SDK1: variants seen among roughly 807,000 people sequenced by gnomAD.
The protein encoded by SDK1 is protein sidekick-1.
A neutral mutation model predicts 245.5 loss-of-function variants in SDK1; 157 were observed. That is an observed-to-expected ratio of 0.64 (90% CI 0.56 to 0.73). The LOEUF is 0.73. SDK1 is among the 30% of genes least tolerant of loss of function. The pLI is 0.00. For synonymous variants in SDK1, 1,647 were observed against 1,278.5 expected, an observed-to-expected ratio of 1.29 and a Z score of -6.15; for missense variants, 3,583 against 3,002.3, an observed-to-expected ratio of 1.19 and a Z score of -4.52.
intron 5 of SDK1, among the ~76,000 whole-genome samples, chr7:3,853,789 G>C (rs998258713): frequency 8.5e-5 from 13 of 152,062 alleles, no homozygotes; most frequent in African/African-American, 3.1e-4. Context: ...AAGACATTGA[G>C]ACCATCCTGG....
intron 4 of SDK1, among the ~76,000 whole-genome samples, chr7:3,766,737 A>T (rs940234621): frequency 3.3e-5 from 5 of 152,230 alleles, no homozygotes; most frequent in Non-Finnish European, 1.5e-5. Flanking sequence ...AGAAATAGGA[A>T]CAAATGATGA....
chr7:3,591,009 T>TA (rs1173962721), intron 1 of SDK1, among the ~76,000 whole-genome samples: 1 of 152,092 alleles, frequency 6.6e-6, no homozygotes, highest in African/African-American at 2.4e-5. Flanking sequence ...TAGAGCATTT[T>TA]AAAAAACTCC....
intron 1 of SDK1, among the ~76,000 whole-genome samples, chr7:3,351,720 C>G (rs58608495): frequency 0.2 from 30,755 of 151,908 alleles, 3,384 homozygotes; most frequent in African/African-American, 0.31. Context: ...AGGTTCAGTT[C>G]AGATATAGGT....
intron 1 of SDK1, among the ~76,000 whole-genome samples, chr7:3,580,634 A>G (rs1780448630): frequency 6.6e-6 from 1 of 152,136 alleles, no homozygotes; most frequent in East Asian, 1.9e-4. Flanking sequence ...TCAACTCAAG[A>G]TGGATTAAAG....
intron 42 of SDK1, among the ~76,000 whole-genome samples, chr7:4,240,434 C>G (rs1786446901): frequency 6.6e-6 from 1 of 152,170 alleles, no homozygotes; most frequent in South Asian, 2.1e-4. Context: ...CGTCTGAATT[C>G]CTTTCTGATC....
chr7:3,443,872 T>A (rs10254665), intron 1 of SDK1, among the ~76,000 whole-genome samples: 1 of 152,074 alleles, frequency 6.6e-6, no homozygotes, highest in Non-Finnish European at 1.5e-5. Context: ...TTATTTCAAG[T>A]TCAGCTAAAC....
chr7:4,172,647 T>C (rs1264011967), intron 32 of SDK1, among the ~76,000 whole-genome samples: 1 of 152,146 alleles, frequency 6.6e-6, no homozygotes, highest in Admixed American at 6.6e-5. Flanking sequence ...GGCAGAGCCT[T>C]ATTCTCTCAC....
Position 3,877,687 on chromosome 7 carries a change from A to G in SDK1, c.847+56104A>G, listed in dbSNP as rs1781107898. 2.6e-5 allele frequency among the ~76,000 whole-genome samples: 4 copies of G among 152,252 alleles called. No individual in the cohort carries two copies. The South Asian group carries it at 8.3e-4, about 31-fold the overall frequency. On this transcript the variant is annotated intron_variant, in intron 5 of 44. Coordinates refer to ENST00000404826, the MANE Select transcript of SDK1 (RefSeq NM_152744.4). Reference sequence around the variant, plus strand: ...GTTAACCACTGTTAACTTTTAAAGCATATCTTTTCAAACTTTTTTTTCTAT... The same window carrying G: ...GTTAACCACTGTTAACTTTTAAAGCGTATCTTTTCAAACTTTTTTTTCTAT...
At chr7:3,968,595 G>A (rs1211707702) in intron 10 of SDK1, among the ~76,000 whole-genome samples, 2 of 152,078 alleles carry the variant, frequency 1.3e-5, no homozygotes, top group Non-Finnish European at 2.9e-5. Context: ...ATATAAAAAT[G>A]TTTCAAATAC....
chr7:3,955,301 G>T (rs774303613), intron 7 of SDK1, among the ~76,000 whole-genome samples: 1 of 152,190 alleles, frequency 6.6e-6, no homozygotes, highest in Non-Finnish European at 1.5e-5. Context: ...CTCATCTCCA[G>T]AGCCAGCAGC....
chr7:3,682,378 T>A (rs1784127227), intron 4 of SDK1, among the ~76,000 whole-genome samples: 1 of 152,216 alleles, frequency 6.6e-6, no homozygotes, highest in African/African-American at 2.4e-5. Context: ...GATTTGTAAA[T>A]TAACATTTCC....
In SDK1 at chr7:4,241,915, TAGGC is replaced by T. The variant is rs1186512382; in HGVS notation, c.6251+9_6251+12del. On this transcript the variant is annotated splice_donor_5th_base_variant and intron_variant, in intron 43 of 44. Coordinates refer to ENST00000404826, the MANE Select transcript of SDK1 (RefSeq NM_152744.4). ...CTTCTCCAAGAAGAACGGGACCAGG[TAGGC>T]AGGCAGTGCTGTGCTGCGCCCACCT... 6.2e-7 allele frequency: 1 copy of T among 1,612,746 alleles called. No homozygotes were observed. Among genetic ancestry groups the T allele is most frequent in the South Asian group, 1.1e-5 (1 of 91,090 alleles).
intron 39 of SDK1, 118 bp downstream of exon 39, chr7:4,220,388 G>A: frequency 8.9e-7 from 1 of 1,128,696 alleles, no homozygotes; most frequent in South Asian, 1.6e-5. Flanking sequence ...GCCAAGAGCT[G>A]GCATCAACTC....
At position 4,026,097 on chromosome 7, in the gene SDK1, C is replaced by T. The variant is rs907077143; in HGVS notation, c.2602+8745C>T. ...ACTCAGCACCCTGGACACGCCAGGC[C>T]GCAGCGCTGGTCTTCCACAGTCCCC... On this transcript the variant is annotated intron_variant, in intron 17 of 44. Transcript: ENST00000404826. This position sits in a 1 kb window ranked among gnomAD's most constrained non-coding sequence, Gnocchi z 4.1. Among the ~76,000 whole-genome samples the T allele has an allele frequency of 4.6e-5, 7 of 152,216 alleles. No homozygotes were observed. In the East Asian group the frequency reaches 7.7e-4, roughly 17 times the overall value.
At chr7:4,229,392 G>T (rs887829924) in intron 40 of SDK1, among the ~76,000 whole-genome samples, 7 of 152,138 alleles carry the variant, frequency 4.6e-5, no homozygotes, top group Non-Finnish European at 1.0e-4. Context: ...AAATTATCTC[G>T]GTATGACATT....
At position 3,696,896 on chromosome 7, in the gene SDK1, C is replaced by T. The variant is rs190512943; in HGVS notation, c.713+54791C>T. Among the ~76,000 whole-genome samples the T allele has an allele frequency of 6.6e-5, 10 of 151,022 alleles. 1 individual carries two copies. Among genetic ancestry groups the T allele is most frequent in the Admixed American group, 3.3e-4 (5 of 15,202 alleles). ...TAGATAGGAGACCTCTGATATTTACCATAGAAGTTCCTTTAAAAAAAAAAA... is the reference window on the plus strand; with the variant it reads ...TAGATAGGAGACCTCTGATATTTACTATAGAAGTTCCTTTAAAAAAAAAAA... On this transcript the variant is annotated intron_variant, in intron 4 of 44. Coordinates refer to ENST00000404826, the MANE Select transcript of SDK1 (RefSeq NM_152744.4).
chr7:4,116,517 G>A (rs1245746909), intron 25 of SDK1, among the ~76,000 whole-genome samples: 3 of 152,312 alleles, frequency 2.0e-5, no homozygotes, highest in South Asian at 2.1e-4. Flanking sequence ...CCCGGGTCCC[G>A]TTGGTGACAG....
At chr7:3,839,561 A>T (rs747672775) in intron 5 of SDK1, among the ~76,000 whole-genome samples, 1 of 152,218 alleles carries the variant, frequency 6.6e-6, no homozygotes, top group Admixed American at 6.5e-5. Flanking sequence ...AGTTTTCTCC[A>T]TGCATACATT....
intron 4 of SDK1, among the ~76,000 whole-genome samples, chr7:3,788,970 C>A (rs1306597391): frequency 6.6e-6 from 1 of 152,174 alleles, no homozygotes; most frequent in Non-Finnish European, 1.5e-5. Context: ...CCCTCTGTTC[C>A]CTGAGCATGG....
Sources: gnomAD v4.1 joint callset for allele counts (sites outside exome capture counted in the v4.1 genomes callset) on GRCh38, gnomAD v4.1.1 for gene constraint, Gnocchi (gnomAD v3.1) non-coding constraint, MANE v1.5 for transcripts, NCBI Gene and HGNC (gene_info 2026-07-23, HGNC 2026-07-21) for gene names.